Variants in SRGAP3 observed in about 807,000 individuals in gnomAD.
The protein encoded by SRGAP3 is SLIT-ROBO Rho GTPase activating protein 3, also known as SLIT-ROBO Rho GTPase-activating protein 3.
Under a neutral mutation model 121.1 loss-of-function variants are expected in SRGAP3, and 39 were observed. The observed-to-expected ratio is 0.32, with a 90% CI of 0.25 to 0.42. The LOEUF (loss-of-function observed/expected upper bound fraction) is 0.42, where lower values mean the gene tolerates loss of function less well. Ranked by LOEUF, SRGAP3 falls within the 10% of genes least tolerant of loss-of-function variation. The pLI is 1.00. For missense variants in SRGAP3, 1,213 were observed against 1,470.6 expected (o/e 0.82, Z 2.86); for synonymous variants, 601 against 570.0 (o/e 1.05, Z -0.77).
chr3:9,053,030 A>G lies in SRGAP3; in HGVS notation c.1320T>C (p.Phe440=). ...ANQQETEMFY[F]TKFKEYVNGS... ...CTGGGCCCAGGATGCCACTTACTGT[A>G]AAATAAAACATTTCTGTTTCCTGCT... Residue 440 remains phenylalanine, a synonymous_variant, in exon 9 of 22, where the codon TTT becomes TTC. Coordinates refer to ENST00000383836, the MANE Select transcript of SRGAP3 (RefSeq NM_014850.4). The G allele has an allele frequency of 6.2e-7, 1 of 1,613,942 alleles. No homozygotes were observed. The highest frequency in any genetic ancestry group is 8.5e-7 in the Non-Finnish European group (1 of 1,180,030).
chr3:9,215,881 C>A (rs188376499), intron 1 of SRGAP3, among the ~76,000 whole-genome samples: 1 of 152,212 alleles, frequency 6.6e-6, no homozygotes, highest in Non-Finnish European at 1.5e-5. Flanking sequence ...TTCAGACTTA[C>A]ACTGGCCAAC....
chr3:9,230,185 C>A (rs1953147925), intron 1 of SRGAP3, among the ~76,000 whole-genome samples: 1 of 152,198 alleles, frequency 6.6e-6, no homozygotes, highest in Admixed American at 6.5e-5. Context: ...CTAACTGGCT[C>A]AATAACTGTT....
At chr3:9,273,797 T>C (rs1382826715) in intron 3 of SRGAP3, among the ~76,000 whole-genome samples, 6 of 152,150 alleles carry the variant, frequency 3.9e-5, no homozygotes, top group Non-Finnish European at 8.8e-5. Context: ...TTCATTTTTT[T>C]TTTTTTTGCA....
chr3:9,061,277 G>T (rs1946157613), intron 5 of SRGAP3, among the ~76,000 whole-genome samples: 1 of 152,140 alleles, frequency 6.6e-6, no homozygotes, highest in Non-Finnish European at 1.5e-5. Context: ...CTCCAGTGAT[G>T]TCTCAAACTG....
chr3:8,989,748 T>TA (rs1297865251), intron 21 of SRGAP3, among the ~76,000 whole-genome samples: 2 of 152,352 alleles, frequency 1.3e-5, no homozygotes, highest in African/African-American at 4.8e-5. Context: ...TTGGCAAATG[T>TA]AAAAATCATA....
chr3:9,099,696 T>G (rs1948132104), intron 3 of SRGAP3, among the ~76,000 whole-genome samples: 1 of 152,184 alleles, frequency 6.6e-6, no homozygotes, highest in Non-Finnish European at 1.5e-5. Context: ...AGCATGAGTA[T>G]CACCTGGGAA....
intron 1 of SRGAP3, among the ~76,000 whole-genome samples, chr3:9,339,368 G>A (rs1955744891): frequency 6.6e-6 from 1 of 152,100 alleles, no homozygotes; most frequent in African/African-American, 2.4e-5. Context: ...ATCTTACTGG[G>A]TTTTTAAAAA....
At chr3:9,292,371 C>G (rs1251078381) in intron 3 of SRGAP3, among the ~76,000 whole-genome samples, 3 of 152,138 alleles carry the variant, frequency 2.0e-5, no homozygotes, top group African/African-American at 7.2e-5. Context: ...ATACATCGTT[C>G]AAAACCCTGC....
At chr3:9,084,164 T>C (rs910015973) in intron 3 of SRGAP3, among the ~76,000 whole-genome samples, 1 of 152,184 alleles carries the variant, frequency 6.6e-6, no homozygotes, top group African/African-American at 2.4e-5. Context: ...TTATTTGTTG[T>C]GAGTAGCAGG....
At chr3:9,153,515 C>G (rs1475065099) in intron 1 of SRGAP3, among the ~76,000 whole-genome samples, 1 of 152,142 alleles carries the variant, frequency 6.6e-6, no homozygotes, top group African/African-American at 2.4e-5. Flanking sequence ...AACTACAATG[C>G]CAAAGAAAGA....
intron 3 of SRGAP3, among the ~76,000 whole-genome samples, chr3:9,092,437 A>G (rs1947796883): frequency 6.6e-6 from 1 of 152,236 alleles, no homozygotes; most frequent in Admixed American, 6.5e-5. Flanking sequence ...CGTGCCAAGC[A>G]CAATGCTAAC....
chr3:9,254,801 AAAAG>A (rs541362960), intron 3 of SRGAP3, among the ~76,000 whole-genome samples: 303 of 151,020 alleles, frequency 2.0e-3, no homozygotes, highest in African/African-American at 6.9e-3. Context: ...GGCTCTGAAA[AAAAG>A]AAAGAAAGAA....
At chr3:9,276,082 T>C (rs991463100) in intron 3 of SRGAP3, among the ~76,000 whole-genome samples, 3 of 152,130 alleles carry the variant, frequency 2.0e-5, no homozygotes, top group African/African-American at 7.2e-5. Flanking sequence ...CACTGGGTTA[T>C]AAACATGTAT....
intron 1 of SRGAP3, chr3:9,192,420 T>A (rs965784059): frequency 6.6e-6 from 1 of 152,186 alleles, no homozygotes; most frequent in African/African-American, 2.4e-5. Flanking sequence ...CCAAGGTCAG[T>A]CACGTGGGTG....
At chr3:9,172,328 C>A (rs1437856543) in intron 1 of SRGAP3, among the ~76,000 whole-genome samples, 3 of 152,046 alleles carry the variant, frequency 2.0e-5, no homozygotes, top group African/African-American at 7.2e-5. Flanking sequence ...GTCTTGAACT[C>A]CTGGACTCAA....
In SRGAP3 at chr3:9,291,068, G is replaced by A. The variant is rs565309061; in HGVS notation, n.442+34942C>T. On this transcript the variant is annotated intron_variant and non_coding_transcript_variant, in intron 3 of 3. Coordinates refer to the SRGAP3 transcript ENST00000490889. ...ATATTCTTTTTAATCACACTTTACCGATAAATAAAATATTAAGAGGAAAAG... is the reference window on the plus strand; with the variant it reads ...ATATTCTTTTTAATCACACTTTACCAATAAATAAAATATTAAGAGGAAAAG... Among the ~76,000 whole-genome samples, 15 of 152,138 alleles carry A rather than the reference G, an allele frequency of 9.9e-5. No homozygotes were observed. In the South Asian group the frequency reaches 1.9e-3, roughly 19 times the overall value.
At chr3:9,039,177 C>G (rs1013386258) in intron 10 of SRGAP3, among the ~76,000 whole-genome samples, 1 of 152,202 alleles carries the variant, frequency 6.6e-6, no homozygotes, top group African/African-American at 2.4e-5. Context: ...CCATGCTGCT[C>G]AGTTCACGAC....
chr3:9,178,394 G>C (rs1951255995), intron 1 of SRGAP3, among the ~76,000 whole-genome samples: 1 of 152,198 alleles, frequency 6.6e-6, no homozygotes, highest in Non-Finnish European at 1.5e-5. Context: ...GAAATGGAAA[G>C]AGACAGACCC....
At chr3:9,004,561 C>G (rs2124995766) in intron 18 of SRGAP3, among the ~76,000 whole-genome samples, 1 of 152,300 alleles carries the variant, frequency 6.6e-6, no homozygotes, top group African/African-American at 2.4e-5. Context: ...AGTACCAACA[C>G]AGAGATAGAC....
Sources: gnomAD v4.1 joint callset for allele counts (sites outside exome capture counted in the v4.1 genomes callset) on GRCh38, gnomAD v4.1.1 for gene constraint, MANE v1.5 for transcripts, NCBI Gene and HGNC (gene_info 2026-07-23, HGNC 2026-07-21) for gene names.